Variants in NANOG observed in about 807,000 individuals in gnomAD.
NANOG encodes homeobox protein NANOG.
In NANOG, 2 loss-of-function variants were observed where a neutral mutation model predicts 17.7. The observed-to-expected ratio is 0.11, with a 90% CI of 0.05 to 0.36. The LOEUF (loss-of-function observed/expected upper bound fraction) is 0.36. Among genes scored for constraint, NANOG ranks in the 10% least tolerant of loss-of-function variants. The probability of loss-of-function intolerance (pLI) is 1.00; values close to 1 mark genes in which losing one functional copy is unlikely to be tolerated. For synonymous variants in NANOG, 81 were observed against 124.7 expected, an observed-to-expected ratio of 0.65 and a Z score of 2.33; for missense variants, 174 against 362.1, an observed-to-expected ratio of 0.48 and a Z score of 4.22.
rs202064081 is a variant in NANOG, at chr12:7,795,649, T to TGCTAAGGATAACATTGATAGAA, written c.*556_*557insTAAGGATAACATTGATAGAAGC. ...GAAAAGACATTTTAATAACCTTGGC[T>TGCTAAGGATAACATTGATAGAA]GCCGTCTCTGGCTATAGATAAGTAG... is the stretch of plus-strand genomic sequence containing the variant. On this transcript the variant is annotated 3_prime_UTR_variant, in exon 4 of 4. Coordinates refer to ENST00000229307, the MANE Select transcript of NANOG (RefSeq NM_024865.4). 9.7e-6 allele frequency: 1 copy of TGCTAAGGATAACATTGATAGAA among 102,834 alleles called. No homozygotes were observed. 6.4% of individuals were successfully genotyped at this position (102,834 alleles called of 1,614,324 possible).
At position 7,796,355 on chromosome 12, in the gene NANOG, T is replaced by TAAATA. The variant is rs59456898; in HGVS notation, c.*1262_*1263insATAAA. ...ATATGCCAGTTTTAGAATGAATGAA[T>TAAATA]AATAAATATGCCAGTTTTAGAAAAA... is the stretch of plus-strand genomic sequence containing the variant. On this transcript the variant is annotated 3_prime_UTR_variant, in exon 4 of 4. Coordinates refer to ENST00000229307, the MANE Select transcript of NANOG (RefSeq NM_024865.4). 6 of 151,944 alleles carry TAAATA rather than the reference T, an allele frequency of 3.9e-5. No homozygotes were observed. The highest frequency in any genetic ancestry group is 2.6e-4 in the Admixed American group (4 of 15,254). 9.4% of individuals were successfully genotyped at this position (151,944 alleles called of 1,614,324 possible). A position where few individuals can be genotyped will look rare whatever the true frequency, so the allele number is the denominator to read the frequency against.
At chr12:7,793,460 CCAA>C (rs940654886) in intron 2 of NANOG, among the ~76,000 whole-genome samples, 1 of 152,178 alleles carries the variant, frequency 6.6e-6, no homozygotes, top group African/African-American at 2.4e-5. Context: ...GAAAATCTTT[CCAA>C]CGTTTCCTTA....
chr12:7,791,767 A>C (rs1862843918), intron 1 of NANOG, among the ~76,000 whole-genome samples: 1 of 152,218 alleles, frequency 6.6e-6, no homozygotes, highest in Non-Finnish European at 1.5e-5. Flanking sequence ...ACCTCATTTT[A>C]ATTAATAAAA....
At position 7,796,196 on chromosome 12, in the gene NANOG, A is replaced by G. The variant is rs1156382166; in HGVS notation, c.*1101A>G. The G allele has an allele frequency of 6.6e-6, 1 of 152,212 alleles. No homozygotes were observed. Among genetic ancestry groups the G allele is most frequent in the Non-Finnish European group, 1.5e-5 (1 of 68,074 alleles). The allele number at this position is 152,212 out of a possible 1,614,324, so 9.4% of individuals were successfully genotyped here. A position where few individuals can be genotyped will look rare whatever the true frequency, so the allele number is the denominator to read the frequency against. The stretch of plus-strand genomic sequence containing the variant: ...GCTATTTGGGAGGCTGAGGCAGGAG[A>G]ATCGCTTGAACCTGGTAGGTGGAGG... On this transcript the variant is annotated 3_prime_UTR_variant, in exon 4 of 4. Coordinates refer to ENST00000229307, the MANE Select transcript of NANOG (RefSeq NM_024865.4).
At chr12:7,794,264 G>A (rs1050145303) in intron 2 of NANOG, among the ~76,000 whole-genome samples, 193 bp from the exon 3 acceptor site, 2 of 152,032 alleles carry the variant, frequency 1.3e-5, no homozygotes, top group African/African-American at 4.8e-5. Context: ...TGTAGACACG[G>A]TGTTTCCTCA....
rs1370453926 is a variant in NANOG at position 7,795,506 on chromosome 12, AGAGACGGG to A, written c.*413_*420del. The A allele has an allele frequency of 9.3e-6, 2 of 215,698 alleles. No individual in the cohort carries two copies. The highest frequency in any genetic ancestry group is 5.2e-5 in the African/African-American group (2 of 38,256). 13.4% of individuals were successfully genotyped at this position (215,698 alleles called of 1,614,324 possible). A position where few individuals can be genotyped will look rare whatever the true frequency, so the allele number is the denominator to read the frequency against. On this transcript the variant is annotated 3_prime_UTR_variant, in exon 4 of 4. Coordinates refer to ENST00000229307, the MANE Select transcript of NANOG (RefSeq NM_024865.4). ...CCGGCTAATATTTTGTATTTTTAGT[AGAGACGGG>A]GTTTCACTGTGTTAGCCAGGATGGT...
Position 7,796,505 on chromosome 12 carries a change from GCTAGTTGAAA to G in NANOG, c.*1412_*1421del, listed in dbSNP as rs1862933293. 1 of 152,142 alleles carries G rather than the reference GCTAGTTGAAA, an allele frequency of 6.6e-6. No homozygotes were observed. Among genetic ancestry groups the G allele is most frequent in the Non-Finnish European group, 1.5e-5 (1 of 68,020 alleles). 9.4% of individuals were successfully genotyped at this position (152,142 alleles called of 1,614,324 possible). ...GGCCTATATGTAAGTAAATTCTAAG[GCTAGTTGAAA>G]CAGATTTATGTTCTCACCTTAAGAG... On this transcript the variant is annotated 3_prime_UTR_variant, in exon 4 of 4. Transcript: ENST00000229307.
intron 1 of NANOG, among the ~76,000 whole-genome samples, chr12:7,791,376 G>C (rs1260456895): frequency 2.0e-5 from 3 of 152,076 alleles, no homozygotes; most frequent in Non-Finnish European, 2.9e-5. Flanking sequence ...TGGGCACCGC[G>C]CCTGGCCACC....
Position 7,789,444 on chromosome 12 carries a change from A to C in NANOG, c.-171A>C, listed in dbSNP as rs1862803081. 4 of 615,760 alleles carry C rather than the reference A, an allele frequency of 6.5e-6. No individual in the cohort carries two copies. In the East Asian group the frequency reaches 1.1e-4, roughly 17 times the overall value. The allele number at this position is 615,760 out of a possible 1,614,324, so 38.1% of individuals were successfully genotyped here. On this transcript the variant is annotated 5_prime_UTR_variant, in exon 1 of 4. Transcript: ENST00000229307. ...AGGATTTTAACGTTCTGCTGGACTG[A>C]GCTGGTTGCCTCATGTTATTATGCA...
In NANOG at chr12:7,797,439, C is replaced by T. The variant is rs746868257; in HGVS notation, c.*2344C>T. 2 of 150,046 alleles carry T rather than the reference C, an allele frequency of 1.3e-5. No individual in the cohort carries two copies. The highest frequency in any genetic ancestry group is 4.9e-5 in the African/African-American group (2 of 40,640). The allele number at this position is 150,046 out of a possible 1,614,324, so 9.3% of individuals were successfully genotyped here. ...ATGATGCAATCTCTACTCACTGCAA[C>T]CTGCACCTCCCAGGTTCAAGTGATT... On this transcript the variant is annotated 3_prime_UTR_variant, in exon 4 of 4. Coordinates refer to ENST00000229307, the MANE Select transcript of NANOG (RefSeq NM_024865.4).
Position 7,794,672 on chromosome 12 carries a change from C to A in NANOG, c.502-7C>A. ...ACCCTTTCTGTTAATCCCTCCTTCT[C>A]TTTCAGAAGGCCTCAGCACCTACCT... On this transcript the variant is annotated splice_polypyrimidine_tract_variant and splice_region_variant and intron_variant, in intron 3 of 3. Coordinates refer to ENST00000229307, the MANE Select transcript of NANOG (RefSeq NM_024865.4). 1.9e-6 allele frequency: 3 copies of A among 1,611,038 alleles called. No individual in the cohort carries two copies. The highest frequency in any genetic ancestry group is 2.5e-6 in the Non-Finnish European group (3 of 1,177,956).
rs1228045174 is a variant in NANOG, at chr12:7,796,839, A to ACCGCAACCTCCGCCTCC, written c.*1746_*1762dup. 6.6e-6 allele frequency: 1 copy of ACCGCAACCTCCGCCTCC among 151,602 alleles called. No homozygotes were observed. Among genetic ancestry groups the ACCGCAACCTCCGCCTCC allele is most frequent in the East Asian group, 1.9e-4 (1 of 5,172 alleles). The allele number at this position is 151,602 out of a possible 1,614,324, so 9.4% of individuals were successfully genotyped here. ...GAGTGTAGTGGAGCGATCTCGGCTC[A>ACCGCAACCTCCGCCTCC]CCGCAACCTCCGCCTCCCGAGTTCA... On this transcript the variant is annotated 3_prime_UTR_variant, in exon 4 of 4. Transcript: ENST00000229307.
At chr12:7,791,286 T>C (rs1037760196) in intron 1 of NANOG, among the ~76,000 whole-genome samples, 38 of 151,764 alleles carry the variant, frequency 2.5e-4, no homozygotes, top group African/African-American at 9.2e-4. Context: ...ATTTTTGTAG[T>C]TCTTAGTAGA....
Position 7,797,770 on chromosome 12 carries a change from G to C in NANOG, c.*2675G>C, listed in dbSNP as rs1477731079. On this transcript the variant is annotated 3_prime_UTR_variant, in exon 4 of 4. Coordinates refer to ENST00000229307, the MANE Select transcript of NANOG (RefSeq NM_024865.4). ...CCGGATTCAAGCAATCCTCCTGCCTGAGTCTCTCAAATAGCCCAGACTATA... is the reference window on the plus strand; with the variant it reads ...CCGGATTCAAGCAATCCTCCTGCCTCAGTCTCTCAAATAGCCCAGACTATA... 1 of 151,622 alleles carries C rather than the reference G, an allele frequency of 6.6e-6. No individual in the cohort carries two copies. The highest frequency in any genetic ancestry group is 1.5e-5 in the Non-Finnish European group (1 of 67,980). The allele number at this position is 151,622 out of a possible 1,614,324, so 9.4% of individuals were successfully genotyped here. A position where few individuals can be genotyped will look rare whatever the true frequency, so the allele number is the denominator to read the frequency against.
intron 2 of NANOG, 66 bp from the exon 3 acceptor site, chr12:7,794,391 T>A: frequency 2.1e-6 from 3 of 1,395,530 alleles, no homozygotes; most frequent in Non-Finnish European, 3.0e-6. Flanking sequence ...AAGTTAGCAA[T>A]ATACTTTGAT....
In NANOG at chr12:7,792,965, C is replaced by T. The variant is rs1317369332; in HGVS notation, c.167C>T (p.Ser56Phe). ...TTCCCAACAGTCTCTCCTCTTCCTTCCTCCATGGATCTGCTTATTCAGGAC... is the reference window on the plus strand; with the variant it reads ...TTCCCAACAGTCTCTCCTCTTCCTTTCTCCATGGATCTGCTTATTCAGGAC... ...PHTETVSPLP[S>F]SMDLLIQDSP... Residue 56 changes from serine to phenylalanine, a missense_variant, in exon 2 of 4, where the codon TCC (serine) becomes TTC (phenylalanine). Around this residue, in one of 2 missense-constraint regions of NANOG, gnomAD observed 158 missense variants for 244.2 expected, o/e 0.65. Transcript: ENST00000229307. 1.2e-6 allele frequency: 2 copies of T among 1,605,612 alleles called. No individual in the cohort carries two copies. The highest frequency in any genetic ancestry group is 1.7e-5 in the Admixed American group (1 of 59,116).
intron 1 of NANOG, 41 bp downstream of exon 1, chr12:7,789,806 G>C: frequency 6.3e-7 from 1 of 1,597,928 alleles, no homozygotes; most frequent in Non-Finnish European, 8.5e-7. Flanking sequence ...AGTTCCTTAA[G>C]GGAAAAGAGA....
chr12:7,791,331 A>T (rs1487784765), intron 1 of NANOG, among the ~76,000 whole-genome samples: 1 of 151,486 alleles, frequency 6.6e-6, no homozygotes, highest in African/African-American at 2.4e-5. Context: ...GGCTGGTCTC[A>T]AACTCCTGAC....
intron 1 of NANOG, among the ~76,000 whole-genome samples, chr12:7,792,022 G>C (rs1210313359): frequency 6.6e-6 from 1 of 152,168 alleles, no homozygotes; most frequent in Non-Finnish European, 1.5e-5. Flanking sequence ...AGTCTCCCCA[G>C]TAGCTGGGAT....
Sources: allele counts gnomAD v4.1 joint callset (sites outside exome capture counted in the v4.1 genomes callset), GRCh38; gene constraint gnomAD v4.1.1; regional missense constraint gnomAD v4.1.1; transcripts MANE v1.5; gene names NCBI Gene and HGNC (gene_info 2026-07-23, HGNC 2026-07-21).